The following C8orf34 variants were observed in gnomAD, a reference collection of about 807,000 sequenced individuals.
C8orf34 encodes chromosome 8 open reading frame 34, also known as uncharacterized protein C8orf34.
Under a neutral mutation model 68.3 loss-of-function variants are expected in C8orf34, and 65 were observed. That is an observed-to-expected ratio of 0.95 (90% CI 0.78 to 1.17). The LOEUF is 1.17. Among genes scored for constraint, C8orf34 ranks in the 50% most tolerant of loss-of-function variants. The probability of loss-of-function intolerance (pLI) is 0.00; values close to 1 mark genes in which losing one functional copy is unlikely to be tolerated. For missense variants in C8orf34, 664 were observed against 655.4 expected, an observed-to-expected ratio of 1.01 and a Z score of -0.14; for synonymous variants, 244 against 241.2, an observed-to-expected ratio of 1.01 and a Z score of -0.11.
intron 7 of C8orf34, among the ~76,000 whole-genome samples, chr8:68,550,073 T>C (rs1816014833): frequency 6.6e-6 from 1 of 151,846 alleles, no homozygotes; most frequent in Admixed American, 6.6e-5. Context: ...ATTTAAACCA[T>C]TAACATTTAA....
chr8:68,648,178 C>T, intron 8 of C8orf34, among the ~76,000 whole-genome samples: 1 of 152,068 alleles, frequency 6.6e-6, no homozygotes, highest in East Asian at 1.9e-4. Flanking sequence ...AGTTAGATAT[C>T]CTCGAATGAT....
intron 8 of C8orf34, among the ~76,000 whole-genome samples, chr8:68,661,774 C>G (rs1819686591): frequency 1.3e-5 from 2 of 151,908 alleles, no homozygotes; most frequent in African/African-American, 4.8e-5. Context: ...GGTGTAAGCA[C>G]TTGTGGGGTA....
At chr8:68,526,858 G>A (rs1256891011) in intron 6 of C8orf34, among the ~76,000 whole-genome samples, 4 of 152,090 alleles carry the variant, frequency 2.6e-5, no homozygotes, top group Non-Finnish European at 5.9e-5. Flanking sequence ...GAAACTAAAC[G>A]GAGCAAGCTC....
rs1037438015 is a variant in C8orf34, at chr8:68,381,804, G to C, written c.327+50465G>C. Reference sequence around the variant, plus strand: ...CTTACAAATTGAGGATGATGTGTGTGCATTCCATTTATTTTTTCTTTTAAA... The same window carrying C: ...CTTACAAATTGAGGATGATGTGTGTCCATTCCATTTATTTTTTCTTTTAAA... On this transcript the variant is annotated intron_variant, in intron 1 of 13. Transcript: ENST00000518698. 2.0e-5 allele frequency among the ~76,000 whole-genome samples: 3 copies of C among 149,966 alleles called. No homozygotes were observed. In the South Asian group the frequency reaches 6.3e-4, roughly 31 times the overall value.
At chr8:68,476,554 T>C (rs1292659077) in intron 4 of C8orf34, among the ~76,000 whole-genome samples, 1 of 152,152 alleles carries the variant, frequency 6.6e-6, no homozygotes, top group African/African-American at 2.4e-5. Flanking sequence ...TGCAAACCAG[T>C]AAGAGATAGT....
intron 3 of C8orf34, among the ~76,000 whole-genome samples, chr8:68,453,953 A>G (rs1198970656): frequency 6.6e-6 from 1 of 151,996 alleles, no homozygotes; most frequent in Admixed American, 6.6e-5. Flanking sequence ...GTTCTCTTCT[A>G]TTCCTAGTTT....
At chr8:68,456,838 G>C (rs1212772408) in intron 3 of C8orf34, among the ~76,000 whole-genome samples, 1 of 152,206 alleles carries the variant, frequency 6.6e-6, no homozygotes, top group African/African-American at 2.4e-5. Context: ...CAATAGTTAT[G>C]TGTCATAGAT....
chr8:68,660,709 T>C lies in C8orf34; in HGVS notation c.1241+20198T>C, dbSNP rs144488809. On this transcript the variant is annotated intron_variant, in intron 8 of 13. Transcript: ENST00000518698. ...AGGAGTTGTGTTTGGGACAAAAATG[T>C]GCTTCAGGAGGGTTCATGGACTCAT... Among the ~76,000 whole-genome samples, 729 of 152,260 alleles carry C rather than the reference T, an allele frequency of 4.8e-3. 7 individuals carry two copies. Among genetic ancestry groups the C allele is most frequent in the African/African-American group, 0.016 (680 of 41,560 alleles).
At chr8:68,769,436 A>C (rs1262062209) in intron 10 of C8orf34, among the ~76,000 whole-genome samples, 6 of 151,490 alleles carry the variant, frequency 4.0e-5, no homozygotes, top group African/African-American at 1.2e-4. Flanking sequence ...GAATCTTTTC[A>C]TATTTTAGTA....
chr8:68,751,060 AAAG>A (rs907767227), intron 10 of C8orf34, among the ~76,000 whole-genome samples: 3 of 152,256 alleles, frequency 2.0e-5, no homozygotes, highest in African/African-American at 4.8e-5. Flanking sequence ...ACCGTGCACA[AAAG>A]AATAGCAAAA....
At chr8:68,495,884 G>A (rs1813500800) in intron 5 of C8orf34, among the ~76,000 whole-genome samples, 1 of 152,166 alleles carries the variant, frequency 6.6e-6, no homozygotes, top group African/African-American at 2.4e-5. Flanking sequence ...TCCACAATGG[G>A]TACTATTGTA....
intron 7 of C8orf34, chr8:68,534,205 T>C: frequency 1.0e-6 from 1 of 985,390 alleles, no homozygotes; most frequent in Non-Finnish European, 1.2e-6. Flanking sequence ...TTTCTGATGC[T>C]GTAAAAACTG....
chr8:68,685,878 GTAAATAAATAAATAAATAAA>G (rs57861421), intron 8 of C8orf34, among the ~76,000 whole-genome samples: 6 of 139,216 alleles, frequency 4.3e-5, no homozygotes, highest in East Asian at 4.2e-4. Context: ...CCCTATCTCA[GTAAATAAATAAATAAATAAA>G]TAAATAAATA....
chr8:68,784,198 G>T (rs1051690694), intron 11 of C8orf34, among the ~76,000 whole-genome samples: 1 of 152,020 alleles, frequency 6.6e-6, no homozygotes, highest in African/African-American at 2.4e-5. Context: ...AGCTTTCCCT[G>T]TGTTTAAAGA....
At chr8:68,675,575 A>G (rs1820160414) in intron 8 of C8orf34, among the ~76,000 whole-genome samples, 1 of 151,920 alleles carries the variant, frequency 6.6e-6, no homozygotes, top group South Asian at 2.1e-4. Context: ...CAAATAAAAA[A>G]AAAACACACA....
intron 8 of C8orf34, among the ~76,000 whole-genome samples, chr8:68,681,246 C>T (rs1820360629): frequency 6.6e-6 from 1 of 152,078 alleles, no homozygotes; most frequent in Non-Finnish European, 1.5e-5. Context: ...TGATGTATAT[C>T]CTCAGCTTAC....
At chr8:68,751,041 C>T (rs1822690416) in intron 10 of C8orf34, among the ~76,000 whole-genome samples, 1 of 152,108 alleles carries the variant, frequency 6.6e-6, no homozygotes, top group Non-Finnish European at 1.5e-5. Context: ...CGTATTCTAG[C>T]TGGAAGGCAC....
intron 8 of C8orf34, among the ~76,000 whole-genome samples, chr8:68,700,865 T>C (rs1382059571): frequency 6.6e-6 from 1 of 152,128 alleles, no homozygotes; most frequent in African/African-American, 2.4e-5. Flanking sequence ...ACTGGAATTC[T>C]AAAAATGGAA....
intron 8 of C8orf34, among the ~76,000 whole-genome samples, chr8:68,679,572 C>T (rs1820301673): frequency 6.6e-6 from 1 of 151,962 alleles, no homozygotes; most frequent in African/African-American, 2.4e-5. Context: ...AGAAAAAAAC[C>T]ACTATCTTTT....
Sources: gnomAD v4.1 joint callset for allele counts (sites outside exome capture counted in the v4.1 genomes callset) on GRCh38, gnomAD v4.1.1 for gene constraint, MANE v1.5 for transcripts, NCBI Gene and HGNC (gene_info 2026-07-23, HGNC 2026-07-21) for gene names.